Variants in GRM7 observed in about 807,000 individuals in gnomAD.
The protein encoded by GRM7 is metabotropic glutamate receptor 7.
In GRM7, 35 loss-of-function variants were observed where a neutral mutation model predicts 84.5. The ratio of observed to expected loss-of-function variants is 0.41; its 90% CI spans 0.32 to 0.55. GRM7 has a LOEUF of 0.55. Among genes scored for constraint, GRM7 ranks in the 20% least tolerant of loss-of-function variants. The probability of loss-of-function intolerance (pLI) is 0.19; values close to 1 mark genes in which losing one functional copy is unlikely to be tolerated. For missense variants in GRM7, 1,003 were observed against 1,194.6 expected (o/e 0.84, Z 2.36); for synonymous variants, 487 against 455.1 (o/e 1.07, Z -0.89).
At chr3:7,095,706 G>T (rs182216962) in intron 1 of GRM7, among the ~76,000 whole-genome samples, 1 of 152,230 alleles carries the variant, frequency 6.6e-6, no homozygotes, top group African/African-American at 2.4e-5. Context: ...GCATCATAGA[G>T]AGTGGGATCA....
chr3:7,338,576 C>CAACT (rs1307793978), intron 4 of GRM7, among the ~76,000 whole-genome samples: 2 of 152,036 alleles, frequency 1.3e-5, no homozygotes, highest in South Asian at 4.1e-4. Flanking sequence ...GTACAACAAG[C>CAACT]AACTGTAGCT....
At chr3:7,736,485 G>A (rs1252753172) in intron 9 of GRM7, among the ~76,000 whole-genome samples, 2 of 152,128 alleles carry the variant, frequency 1.3e-5, no homozygotes, top group Non-Finnish European at 2.9e-5. Flanking sequence ...TTAAATCAAT[G>A]TAAGTAAATC....
At chr3:7,189,023 T>C (rs1405439252) in intron 2 of GRM7, among the ~76,000 whole-genome samples, 1 of 152,190 alleles carries the variant, frequency 6.6e-6, no homozygotes, top group Non-Finnish European at 1.5e-5. Context: ...GCAGCCTTAC[T>C]GTATGGCCAC....
chr3:7,600,973 GTGATACAGCCACACAGGCTTCAA>G (rs144361574), intron 8 of GRM7, among the ~76,000 whole-genome samples: 2,723 of 152,182 alleles, frequency 0.018, 91 homozygotes, highest in African/African-American at 0.06. Context: ...GCCACTCTCT[GTGATACAGCCACACAGGCTTCAA>G]TCCCTAATAC....
At chr3:7,229,735 ATATATATATATATATATATATATATTTT>A (rs1559514517) in intron 2 of GRM7, among the ~76,000 whole-genome samples, 2,105 of 23,610 alleles carry the variant, frequency 0.089, 219 homozygotes, top group African/African-American at 0.27. Flanking sequence ...ACATATATAT[ATATATATATATATATATATATATATTTT>A]TTTTTTTTTT....
intron 1 of GRM7, among the ~76,000 whole-genome samples, chr3:6,946,003 G>A (rs140103839): frequency 0.052 from 7,864 of 152,182 alleles, 245 homozygotes; most frequent in African/African-American, 0.073. Flanking sequence ...CTCCCGTTTT[G>A]TAGGTTGCCT....
Position 7,646,300 on chromosome 3 carries a change from T to C in GRM7, c.2452-33749T>C, listed in dbSNP as rs1341908723. 2.6e-5 allele frequency among the ~76,000 whole-genome samples: 4 copies of C among 152,206 alleles called. No individual in the cohort carries two copies. In the South Asian group the frequency reaches 6.2e-4, roughly 24 times the overall value. ...TCTGCCTCCCAGGTTCAAGCAATTATCCTGCCTCAGCCTCCTGAGTAGTTG... is the reference window on the plus strand; with the variant it reads ...TCTGCCTCCCAGGTTCAAGCAATTACCCTGCCTCAGCCTCCTGAGTAGTTG... On this transcript the variant is annotated intron_variant, in intron 8 of 9. Transcript: ENST00000357716.
intron 1 of GRM7, among the ~76,000 whole-genome samples, chr3:6,914,383 A>G (rs911269601): frequency 6.6e-5 from 10 of 152,140 alleles, no homozygotes; most frequent in African/African-American, 2.4e-4. Context: ...AGCTATTTTC[A>G]CAATAGCTTT....
chr3:6,993,380 A>T (rs746999968), intron 1 of GRM7, among the ~76,000 whole-genome samples: 1 of 152,216 alleles, frequency 6.6e-6, no homozygotes, highest in Non-Finnish European at 1.5e-5. Flanking sequence ...CCTTCGAACA[A>T]ATATAACATA....
intron 8 of GRM7, among the ~76,000 whole-genome samples, chr3:7,606,199 T>A (rs1696559960): frequency 6.6e-6 from 1 of 152,218 alleles, no homozygotes; most frequent in Admixed American, 6.5e-5. Flanking sequence ...TAATTTGACT[T>A]TTCCCATAAA....
At chr3:7,166,258 G>A (rs979070088) in intron 2 of GRM7, among the ~76,000 whole-genome samples, 1 of 152,038 alleles carries the variant, frequency 6.6e-6, no homozygotes, top group Non-Finnish European at 1.5e-5. Context: ...TTCTAATAGT[G>A]GCGTCTATGA....
chr3:7,483,721 G>T (rs1281977203), intron 7 of GRM7, among the ~76,000 whole-genome samples: 2 of 152,106 alleles, frequency 1.3e-5, no homozygotes, highest in Non-Finnish European at 2.9e-5. Flanking sequence ...AGCCAGTTAG[G>T]CCAGTTGGTT....
intron 2 of GRM7, among the ~76,000 whole-genome samples, chr3:7,208,760 T>C (rs1300288003): frequency 1.3e-5 from 2 of 152,184 alleles, no homozygotes; most frequent in African/African-American, 4.8e-5. Flanking sequence ...TCCATACTGC[T>C]CTGCAATTTG....
intron 1 of GRM7, among the ~76,000 whole-genome samples, chr3:7,066,558 C>A (rs1356043605): frequency 6.6e-6 from 1 of 151,782 alleles, no homozygotes; most frequent in African/African-American, 2.4e-5. Context: ...AAAAAAAGTC[C>A]AGGACCAGAT....
intron 2 of GRM7, among the ~76,000 whole-genome samples, chr3:7,167,273 A>C (rs1048092086): frequency 6.6e-6 from 1 of 152,164 alleles, no homozygotes; most frequent in Non-Finnish European, 1.5e-5. Flanking sequence ...TCAATTTGGA[A>C]GCTTGCTAGT....
intron 7 of GRM7, among the ~76,000 whole-genome samples, chr3:7,470,692 T>G (rs1380904483): frequency 6.6e-6 from 1 of 152,142 alleles, no homozygotes; most frequent in African/African-American, 2.4e-5. Flanking sequence ...CATTACTATC[T>G]GCATTTTGGG....
At chr3:7,525,580 G>A (rs1385239808) in intron 7 of GRM7, among the ~76,000 whole-genome samples, 1 of 151,996 alleles carries the variant, frequency 6.6e-6, no homozygotes, top group Non-Finnish European at 1.5e-5. Flanking sequence ...ATTATTTAGG[G>A]GGTACATGTG....
intron 2 of GRM7, among the ~76,000 whole-genome samples, chr3:7,256,935 C>T (rs898776769): frequency 7.2e-5 from 11 of 152,082 alleles, no homozygotes; most frequent in East Asian, 5.8e-4. Flanking sequence ...AGCCAGGTCT[C>T]GAAAGATTAC....
intron 2 of GRM7, among the ~76,000 whole-genome samples, chr3:7,290,523 T>C (rs940093227): frequency 1.3e-5 from 2 of 152,196 alleles, no homozygotes; most frequent in African/African-American, 2.4e-5. Context: ...CTGAAAGATA[T>C]GATGGATTCA....
Sources: allele counts gnomAD v4.1 joint callset (sites outside exome capture counted in the v4.1 genomes callset), GRCh38; gene constraint gnomAD v4.1.1; transcripts MANE v1.5; gene names NCBI Gene and HGNC (gene_info 2026-07-23, HGNC 2026-07-21).